FAM107B: variants seen among roughly 807,000 people sequenced by gnomAD.
FAM107B encodes the protein protein FAM107B.
Under a neutral mutation model 31.5 loss-of-function variants are expected in FAM107B, and 21 were observed. The ratio of observed to expected loss-of-function variants is 0.67; its 90% CI spans 0.47 to 0.96. The LOEUF is 0.96. Among genes scored for constraint, FAM107B ranks in the 40% least tolerant of loss-of-function variants. The probability of loss-of-function intolerance (pLI) is 0.00; values close to 1 mark genes in which losing one functional copy is unlikely to be tolerated. For synonymous variants in FAM107B, 157 were observed against 141.5 expected (o/e 1.11, Z -0.78); for missense variants, 452 against 377.1 (o/e 1.20, Z -1.64).
intron 2 of FAM107B, among the ~76,000 whole-genome samples, chr10:14,639,349 C>T (rs1853577110): frequency 6.6e-6 from 1 of 152,166 alleles, no homozygotes; most frequent in African/African-American, 2.4e-5. Context: ...TACCACCATG[C>T]TTTACATCTT....
Position 14,521,079 on chromosome 10 carries a change from C to A in FAM107B, c.*111G>T. The A allele has an allele frequency of 3.5e-6, 3 of 869,410 alleles. No homozygotes were observed. The highest frequency in any genetic ancestry group is 3.4e-5 in the South Asian group (2 of 59,432). 53.9% of individuals were successfully genotyped at this position (869,410 alleles called of 1,614,324 possible). Reference sequence around the variant, plus strand: ...AATCAAACCAAATCCTACTGCAAGTCAAAATTCTCTGCTGGCTGAAATATT... The same window carrying A: ...AATCAAACCAAATCCTACTGCAAGTAAAAATTCTCTGCTGGCTGAAATATT... On this transcript the variant is annotated 3_prime_UTR_variant, in exon 5 of 5. Coordinates refer to ENST00000181796, the MANE Select transcript of FAM107B (RefSeq NM_031453.4).
chr10:14,601,164 G>T (rs1852384524), intron 2 of FAM107B, among the ~76,000 whole-genome samples: 1 of 152,208 alleles, frequency 6.6e-6, no homozygotes, highest in African/African-American at 2.4e-5. Flanking sequence ...CTGGTGAATG[G>T]AGAGTAAATG....
chr10:14,666,527 G>A (rs1412180007), intron 2 of FAM107B, among the ~76,000 whole-genome samples: 1 of 152,096 alleles, frequency 6.6e-6, no homozygotes, highest in East Asian at 1.9e-4. Context: ...TGAGATTTGG[G>A]TGGGGACACA....
intron 2 of FAM107B, among the ~76,000 whole-genome samples, chr10:14,570,233 GGTGTGTGTGT>G (rs57206586): frequency 7.8e-5 from 11 of 140,426 alleles, no homozygotes; most frequent in South Asian, 6.6e-4. Context: ...AAATGTGGTG[GGTGTGTGTGT>G]GTGTGTGTGT....
chr10:14,750,887 G>T (rs1479163947), intron 1 of FAM107B, among the ~76,000 whole-genome samples: 1 of 152,202 alleles, frequency 6.6e-6, no homozygotes, highest in East Asian at 1.9e-4. Flanking sequence ...GGACCTGAAG[G>T]CTGTGGGGTG....
chr10:14,635,175 TCA>T (rs954720739), intron 2 of FAM107B, among the ~76,000 whole-genome samples: 2 of 150,338 alleles, frequency 1.3e-5, no homozygotes, highest in African/African-American at 4.9e-5. Flanking sequence ...GAAACAAACC[TCA>T]GTTTTTTTGG....
chr10:14,710,518 G>T (rs1375399451), intron 1 of FAM107B, among the ~76,000 whole-genome samples: 1 of 151,546 alleles, frequency 6.6e-6, no homozygotes, highest in Non-Finnish European at 1.5e-5. Flanking sequence ...CTACCCCAGA[G>T]ATTCTGATTT....
chr10:14,576,705 T>A (rs1362422280), intron 2 of FAM107B, among the ~76,000 whole-genome samples: 1 of 151,986 alleles, frequency 6.6e-6, no homozygotes, highest in Non-Finnish European at 1.5e-5. Flanking sequence ...TGCAAACACA[T>A]CTTTGTACTT....
chr10:14,633,644 A>G (rs1043192182), intron 2 of FAM107B, among the ~76,000 whole-genome samples: 35 of 152,352 alleles, frequency 2.3e-4, no homozygotes, highest in African/African-American at 8.4e-4. Context: ...ACTAAATTAA[A>G]TAATATTCAG....
In FAM107B at chr10:14,712,841, C is replaced by T. The variant is rs141596757; in HGVS notation, c.412-45150G>A. Among the ~76,000 whole-genome samples, 6 of 152,260 alleles carry T rather than the reference C, an allele frequency of 3.9e-5. No homozygotes were observed. The East Asian group carries it at 5.8e-4, about 15-fold the overall frequency. On this transcript the variant is annotated intron_variant, in intron 1 of 4. Coordinates refer to ENST00000181796, the MANE Select transcript of FAM107B (RefSeq NM_031453.4). ...CCAGGAAGGGCCTTGTTTTAGAACA[C>T]GAGTCCAAAATTCATATTTGCCTTG...
rs57206586 is a variant in FAM107B at position 14,570,233 on chromosome 10, G to GGTGTGTGT, written c.470-39726_470-39719dup. On this transcript the variant is annotated intron_variant, in intron 2 of 4. Coordinates refer to ENST00000181796, the MANE Select transcript of FAM107B (RefSeq NM_031453.4). ...ACGTACCTACCAAAAAAATGTGGTGGGTGTGTGTGTGTGTGTGTGTGTGTG... is the reference window on the plus strand; with the variant it reads ...ACGTACCTACCAAAAAAATGTGGTGGGTGTGTGTGTGTGTGTGTGTGTGTGTGTGTGTG... Among the ~76,000 whole-genome samples the GGTGTGTGT allele has an allele frequency of 2.9e-3, 409 of 140,418 alleles. 3 individuals carry two copies. Among genetic ancestry groups the GGTGTGTGT allele is most frequent in the African/African-American group, 9.7e-3 (362 of 37,430 alleles). The allele number at this position is 140,418 out of a possible 152,430, so 92.1% of individuals were successfully genotyped here.
intron 3 of FAM107B, among the ~76,000 whole-genome samples, chr10:14,526,790 A>G (rs1846281137): frequency 6.6e-6 from 1 of 152,204 alleles, no homozygotes; most frequent in South Asian, 2.1e-4. Context: ...CTAAAAAGTA[A>G]TCTTTGTAGA....
At chr10:14,574,046 A>G (rs1437581888) in intron 2 of FAM107B, among the ~76,000 whole-genome samples, 1 of 152,196 alleles carries the variant, frequency 6.6e-6, no homozygotes, top group Non-Finnish European at 1.5e-5. Context: ...TAGACACTTA[A>G]GGGTTCAGCT....
intron 2 of FAM107B, among the ~76,000 whole-genome samples, chr10:14,616,824 C>T (rs1159966333): frequency 2.6e-5 from 4 of 152,050 alleles, no homozygotes; most frequent in Admixed American, 6.6e-5. Context: ...ACTTCAGAGG[C>T]TGAGGTGGGA....
At chr10:14,616,311 G>A (rs1157983337) in intron 2 of FAM107B, among the ~76,000 whole-genome samples, 1 of 152,094 alleles carries the variant, frequency 6.6e-6, no homozygotes, top group Non-Finnish European at 1.5e-5. Flanking sequence ...GGAAACTCGA[G>A]CTTCAAAAAC....
chr10:14,529,073 C>T (rs959727902), intron 3 of FAM107B, among the ~76,000 whole-genome samples: 6 of 152,170 alleles, frequency 3.9e-5, no homozygotes, highest in Non-Finnish European at 4.4e-5. Flanking sequence ...TATTCTATTT[C>T]GGAGCCTACT....
intron 1 of FAM107B, among the ~76,000 whole-genome samples, chr10:14,763,025 G>T (rs186659807): frequency 6.6e-6 from 1 of 152,176 alleles, no homozygotes; most frequent in African/African-American, 2.4e-5. Flanking sequence ...CACTTTGGGA[G>T]GCAGAGGGAG....
At chr10:14,667,266 T>C (rs1362562609) in intron 2 of FAM107B, among the ~76,000 whole-genome samples, 1 of 152,190 alleles carries the variant, frequency 6.6e-6, no homozygotes, top group East Asian at 1.9e-4. Flanking sequence ...CCAGCAAACT[T>C]ATCTAAATAA....
intron 2 of FAM107B, among the ~76,000 whole-genome samples, chr10:14,549,667 C>T (rs1205067058): frequency 6.6e-6 from 1 of 152,120 alleles, no homozygotes; most frequent in African/African-American, 2.4e-5. Context: ...TGTAGAGTCA[C>T]GAGTAAACAA....
Sources: gnomAD v4.1 joint callset for allele counts (sites outside exome capture counted in the v4.1 genomes callset) on GRCh38, gnomAD v4.1.1 for gene constraint, MANE v1.5 for transcripts, NCBI Gene and HGNC (gene_info 2026-07-23, HGNC 2026-07-21) for gene names.